PIGN: variants seen among roughly 807,000 people sequenced by gnomAD.
PIGN encodes the protein phosphatidylinositol glycan anchor biosynthesis class N, also known as GPI ethanolamine phosphate transferase 1.
A neutral mutation model predicts 125.4 loss-of-function variants in PIGN; 117 were observed. The observed-to-expected ratio is 0.93, with a 90% CI of 0.80 to 1.09. PIGN has a LOEUF of 1.09. Ranked by LOEUF, PIGN falls within the 50% of genes least tolerant of loss-of-function variation. The probability of loss-of-function intolerance (pLI) is 0.00; values close to 1 mark genes in which losing one functional copy is unlikely to be tolerated. For missense variants in PIGN, 1,075 were observed against 1,094.9 expected (o/e 0.98, Z 0.26); for synonymous variants, 392 against 377.8 (o/e 1.04, Z -0.44).
chr18:62,106,643 G>T (rs2034650353), intron 19 of PIGN, 146 bp downstream of exon 19: 1 of 615,572 alleles, frequency 1.6e-6, no homozygotes, highest in African/African-American at 1.9e-5. Flanking sequence ...TACAGGTAAT[G>T]TCAGTCCTCC....
At chr18:62,099,959 A>T (rs2034369479) in intron 22 of PIGN, among the ~76,000 whole-genome samples, 1 of 152,188 alleles carries the variant, frequency 6.6e-6, no homozygotes, top group Non-Finnish European at 1.5e-5. Flanking sequence ...GCAAAAGTAG[A>T]CAAAGGGGAT....
chr18:62,082,493 T>C (rs1045549968), intron 28 of PIGN, among the ~76,000 whole-genome samples, 180 bp downstream of exon 28: 6 of 152,070 alleles, frequency 3.9e-5, no homozygotes, highest in African/African-American at 1.4e-4. Context: ...GAGGCCCTAA[T>C]CAACTAATTT....
chr18:62,020,476 G>A (rs1282632126), intron 23 of PIGN, among the ~76,000 whole-genome samples: 2 of 150,742 alleles, frequency 1.3e-5, no homozygotes, highest in African/African-American at 2.4e-5. Flanking sequence ...TGACAGAGAT[G>A]ATGGGATTAG....
chr18:62,158,770 T>C (rs1287421252), intron 4 of PIGN, among the ~76,000 whole-genome samples: 3 of 152,336 alleles, frequency 2.0e-5, no homozygotes, highest in Middle Eastern at 3.4e-3. Flanking sequence ...AATACATTCA[T>C]AATAAGTAAA....
intron 28 of PIGN, among the ~76,000 whole-genome samples, chr18:62,078,484 C>T (rs1163416353): frequency 1.3e-5 from 2 of 152,198 alleles, no homozygotes; most frequent in Admixed American, 6.5e-5. Flanking sequence ...CACTGCCTCC[C>T]TATGGCTCTA....
chr18:62,146,815 A>G (rs756935340), intron 9 of PIGN, among the ~76,000 whole-genome samples, 156 bp downstream of exon 9: 3 of 152,174 alleles, frequency 2.0e-5, no homozygotes, highest in African/African-American at 7.2e-5. Context: ...TTATAAGATC[A>G]GTTGTTTTTT....
At chr18:62,077,026 A>G (rs1264027561) in intron 28 of PIGN, among the ~76,000 whole-genome samples, 1 of 152,198 alleles carries the variant, frequency 6.6e-6, no homozygotes, top group Non-Finnish European at 1.5e-5. Flanking sequence ...AAAGCACAAC[A>G]AATATTCTAC....
At chr18:62,061,354 G>A (rs2032112753) in intron 30 of PIGN, among the ~76,000 whole-genome samples, 1 of 151,306 alleles carries the variant, frequency 6.6e-6, no homozygotes, top group African/African-American at 2.4e-5. Context: ...CATTCACGGG[G>A]CAGTCAGCTC....
In PIGN at chr18:62,106,813, G is replaced by A. The variant is rs2034658500; in HGVS notation, c.1743C>T (p.Leu581=). Residue 581 remains leucine (L), a synonymous_variant, in exon 19 of 31, where the codon CTC becomes CTT. Transcript: ENST00000640252. The part of the protein sequence containing the change: ...GLTAFAAWPF[L]TRLWTRAKMT... ...CCTTTGCTCGAGTCCACAGCCGAGTGAGAAATGGCCAAGCTGCAAAGGCAG... is the reference window on the plus strand; with the variant it reads ...CCTTTGCTCGAGTCCACAGCCGAGTAAGAAATGGCCAAGCTGCAAAGGCAG... 6.2e-7 allele frequency: 1 copy of A among 1,607,602 alleles called. No homozygotes were observed. The highest frequency in any genetic ancestry group is 1.3e-5 in the African/African-American group (1 of 74,816).
chr18:62,120,892 G>GA (rs1263962889), intron 14 of PIGN, among the ~76,000 whole-genome samples: 1 of 151,664 alleles, frequency 6.6e-6, no homozygotes, highest in East Asian at 1.9e-4. Context: ...CCAACTAAAA[G>GA]AAAAAAAGTA....
At chr18:62,094,962 T>C (rs2034115971) in intron 23 of PIGN, among the ~76,000 whole-genome samples, 1 of 152,148 alleles carries the variant, frequency 6.6e-6, no homozygotes, top group Non-Finnish European at 1.5e-5. Context: ...TTTGAGAACA[T>C]CTCTCTAATT....
At chr18:62,038,017 T>C (rs962968507), downstream of PIGN, among the ~76,000 whole-genome samples, 1 of 152,194 alleles carries the variant, frequency 6.6e-6, no homozygotes, top group Non-Finnish European at 1.5e-5. Context: ...AAGAGTTCTT[T>C]GCAGTTCCTG....
At chr18:62,106,699 T>C (rs1358458526) in intron 19 of PIGN, 90 bp downstream of exon 19, 1 of 818,104 alleles carries the variant, frequency 1.2e-6, no homozygotes, top group African/African-American at 1.7e-5. Context: ...ATTCTACCCT[T>C]TTCTTTAAAA....
intron 23 of PIGN, among the ~76,000 whole-genome samples, chr18:62,033,590 T>C (rs2030221339): frequency 6.6e-6 from 1 of 152,172 alleles, no homozygotes; most frequent in African/African-American, 2.4e-5. Context: ...ATAAATTGAG[T>C]TCTGTATTTC....
intron 11 of PIGN, 70 bp from the exon 12 acceptor site, chr18:62,140,549 A>G (rs1298405204): frequency 2.7e-6 from 2 of 751,146 alleles, no homozygotes; most frequent in South Asian, 1.7e-5. Flanking sequence ...ATGTAATGCA[A>G]CCATATTTTG....
chr18:62,072,365 C>T, intron 30 of PIGN: 1 of 194,300 alleles, frequency 5.1e-6, no homozygotes, highest in Non-Finnish European at 1.0e-5. Flanking sequence ...TGGTAAGTGT[C>T]CTAGATAGGT....
chr18:62,021,033 T>G (rs2030049229), intron 23 of PIGN, among the ~76,000 whole-genome samples: 1 of 151,986 alleles, frequency 6.6e-6, no homozygotes, highest in Non-Finnish European at 1.5e-5. Flanking sequence ...ACTGGGACTC[T>G]CATATTCTTT....
At chr18:62,103,006 T>C in intron 20 of PIGN, 104 bp from the exon 21 acceptor site, 1 of 513,186 alleles carries the variant, frequency 1.9e-6, no homozygotes, top group Non-Finnish European at 3.2e-6. Context: ...CTCTCAGTCA[T>C]TTGGCTTAAT....
At chr18:62,161,675 A>C (rs754008156) in intron 3 of PIGN, among the ~76,000 whole-genome samples, 1 of 152,244 alleles carries the variant, frequency 6.6e-6, no homozygotes, top group Non-Finnish European at 1.5e-5. Flanking sequence ...GCTCATAAAA[A>C]TTAGCACAGG....
Sources: allele counts gnomAD v4.1 joint callset (sites outside exome capture counted in the v4.1 genomes callset), GRCh38; gene constraint gnomAD v4.1.1; transcripts MANE v1.5; gene names NCBI Gene and HGNC (gene_info 2026-07-23, HGNC 2026-07-21).